Variants in CCDC66 observed in about 807,000 individuals in gnomAD.
CCDC66 encodes coiled-coil domain containing 66.
Under a neutral mutation model 128.3 loss-of-function variants are expected in CCDC66, and 133 were observed. The observed-to-expected ratio is 1.04, with a 90% CI of 0.90 to 1.20. The LOEUF is 1.20. Among genes scored for constraint, CCDC66 ranks in the 50% most tolerant of loss-of-function variants. The pLI is 0.00. For synonymous variants in CCDC66, 387 were observed against 357.0 expected (o/e 1.08, Z -0.95); for missense variants, 1,126 against 1,075.5 (o/e 1.05, Z -0.66).
chr3:56,606,615 T>G (rs1193039191), intron 10 of CCDC66, among the ~76,000 whole-genome samples: 1 of 152,010 alleles, frequency 6.6e-6, no homozygotes, highest in Non-Finnish European at 1.5e-5. Context: ...CTGCACCCAC[T>G]GTCCAACCAG....
chr3:56,604,970 T>C (rs1340756867), intron 10 of CCDC66, among the ~76,000 whole-genome samples: 1 of 152,022 alleles, frequency 6.6e-6, no homozygotes, highest in Non-Finnish European at 1.5e-5. Context: ...GTTTGTTCTT[T>C]TTCATTCTTT....
intron 7 of CCDC66, among the ~76,000 whole-genome samples, chr3:56,583,295 G>A (rs1287866030): frequency 6.6e-6 from 1 of 151,942 alleles, no homozygotes; most frequent in African/African-American, 2.4e-5. Context: ...ATAGTTAAGA[G>A]GTTTTTGTTT....
chr3:56,599,376 C>T (rs1228071360), intron 10 of CCDC66, among the ~76,000 whole-genome samples: 2 of 151,766 alleles, frequency 1.3e-5, no homozygotes, highest in African/African-American at 4.8e-5. Flanking sequence ...TTTCTTTGAT[C>T]CTTTGTATTG....
At chr3:56,614,044 T>G (rs557872741) in intron 11 of CCDC66, among the ~76,000 whole-genome samples, 2 of 152,334 alleles carry the variant, frequency 1.3e-5, no homozygotes, top group African/African-American at 4.8e-5. Context: ...TGAGCTACCA[T>G]GCTTGGCCTC....
At chr3:56,596,030 C>T (rs1018777731) in intron 10 of CCDC66, among the ~76,000 whole-genome samples, 19 of 152,090 alleles carry the variant, frequency 1.2e-4, no homozygotes, top group African/African-American at 4.1e-4. Context: ...TCCTGCTGCC[C>T]GAGCCTCCCC....
chr3:56,590,821 G>A (rs2070753683), intron 7 of CCDC66, among the ~76,000 whole-genome samples: 1 of 152,122 alleles, frequency 6.6e-6, no homozygotes, highest in South Asian at 2.1e-4. Context: ...TTATGTAGGG[G>A]AAGTCTCAGG....
intron 4 of CCDC66, 71 bp downstream of exon 4, chr3:56,564,196 G>GATCACA: frequency 8.7e-7 from 1 of 1,154,282 alleles, no homozygotes; most frequent in Non-Finnish European, 1.2e-6. Context: ...AGATTCATTG[G>GATCACA]GTTTTATGTA....
At position 56,561,374 on chromosome 3, in the gene CCDC66, T is replaced by G. The variant is rs1203558674; in HGVS notation, c.102+1780T>G. 6 of 419,508 alleles carry G rather than the reference T, an allele frequency of 1.4e-5. No homozygotes were observed. The East Asian group carries it at 4.2e-4, about 30-fold the overall frequency. The allele number at this position is 419,508 out of a possible 1,614,324, so 26.0% of individuals were successfully genotyped here. ...ATAAACAGAATTACTGGTCTTGGAT[T>G]TTTGGTAGGCCTATAATAAAGTTAC... On this transcript the variant is annotated intron_variant, in intron 3 of 17. Transcript: ENST00000394672.
At chr3:56,578,449 A>AGT (rs1258081619) in intron 7 of CCDC66, among the ~76,000 whole-genome samples, 3 of 151,746 alleles carry the variant, frequency 2.0e-5, no homozygotes, top group African/African-American at 7.2e-5. Flanking sequence ...TACTATGTTG[A>AGT]ATAGGAGTGG....
chr3:56,611,262 G>A (rs2074765839), intron 10 of CCDC66, among the ~76,000 whole-genome samples: 1 of 152,056 alleles, frequency 6.6e-6, no homozygotes, highest in Admixed American at 6.5e-5. Flanking sequence ...GTGGGGGACG[G>A]GGATGAGATT....
At chr3:56,588,755 C>A (rs530250752) in intron 7 of CCDC66, among the ~76,000 whole-genome samples, 11 of 152,202 alleles carry the variant, frequency 7.2e-5, no homozygotes, top group Admixed American at 2.0e-4. Context: ...CTAGAAAATT[C>A]CCAAATGTTT....
At chr3:56,571,485 G>T (rs976266874) in intron 7 of CCDC66, 183 bp downstream of exon 7, 5 of 402,192 alleles carry the variant, frequency 1.2e-5, no homozygotes, top group Non-Finnish European at 2.2e-5. Flanking sequence ...AGGCTCAAGC[G>T]ATTCTCCTGC....
intron 3 of CCDC66, among the ~76,000 whole-genome samples, chr3:56,560,038 CAG>C (rs957612253): frequency 2.0e-5 from 3 of 152,160 alleles, no homozygotes. Flanking sequence ...AGACTTTAAA[CAG>C]AAATGTTTTT....
At chr3:56,559,309 A>G (rs919342807) in intron 2 of CCDC66, among the ~76,000 whole-genome samples, 2 of 152,192 alleles carry the variant, frequency 1.3e-5, no homozygotes, top group Non-Finnish European at 2.9e-5. Flanking sequence ...TTTTAAACTC[A>G]GTGTACTTTG....
chr3:56,587,768 C>T (rs1169864790), intron 7 of CCDC66, among the ~76,000 whole-genome samples: 3 of 152,130 alleles, frequency 2.0e-5, no homozygotes, highest in African/African-American at 7.2e-5. Context: ...ACTCAGGAGG[C>T]TGAGGCAGGA....
Position 56,621,622 on chromosome 3 carries a change from T to A in CCDC66, c.*4T>A. 1 of 1,579,478 alleles carries A rather than the reference T, an allele frequency of 6.3e-7. No individual in the cohort carries two copies. Among genetic ancestry groups the A allele is most frequent in the Non-Finnish European group, 8.6e-7 (1 of 1,156,730 alleles). Reference sequence around the variant, plus strand: ...GAGTTTTGGTTCTTCATTTTAAATGTAGAAAATCAAATCCTTCACATTTGA... The same window carrying A: ...GAGTTTTGGTTCTTCATTTTAAATGAAGAAAATCAAATCCTTCACATTTGA... On this transcript the variant is annotated 3_prime_UTR_variant, in exon 18 of 18. Transcript: ENST00000394672.
intron 7 of CCDC66, among the ~76,000 whole-genome samples, chr3:56,578,961 A>T (rs1310372518): frequency 1.3e-5 from 2 of 151,682 alleles, no homozygotes; most frequent in African/African-American, 4.8e-5. Flanking sequence ...TTTTCTATTG[A>T]TTGGAATAGT....
intron 2 of CCDC66, 89 bp downstream of exon 2, chr3:56,558,999 G>C (rs927074523): frequency 5.1e-5 from 45 of 887,328 alleles, no homozygotes; most frequent in South Asian, 3.7e-4. Flanking sequence ...GCTTGTAATA[G>C]AGTGATATTT....
intron 10 of CCDC66, among the ~76,000 whole-genome samples, chr3:56,609,644 TTTTG>T (rs1424244273): frequency 3.9e-5 from 6 of 152,254 alleles, no homozygotes; most frequent in African/African-American, 1.4e-4. Flanking sequence ...TGGATTTGTT[TTTTG>T]TTTTTGTTTT....
Sources: allele counts gnomAD v4.1 joint callset (sites outside exome capture counted in the v4.1 genomes callset), GRCh38; gene constraint gnomAD v4.1.1; transcripts MANE v1.5; gene names NCBI Gene and HGNC (gene_info 2026-07-23, HGNC 2026-07-21).